The following ANKRD18A variants were observed in gnomAD, a reference collection of about 807,000 sequenced individuals.
The protein encoded by ANKRD18A is ankyrin repeat domain-containing protein 18A.
A neutral mutation model predicts 110.6 loss-of-function variants in ANKRD18A; 72 were observed. That is an observed-to-expected ratio of 0.65 (90% CI 0.54 to 0.79). The LOEUF (loss-of-function observed/expected upper bound fraction) is 0.79, where lower values mean the gene tolerates loss of function less well. Ranked by LOEUF, ANKRD18A falls within the 30% of genes least tolerant of loss-of-function variation. The probability of loss-of-function intolerance (pLI) is 0.00; values close to 1 mark genes in which losing one functional copy is unlikely to be tolerated. For missense variants in ANKRD18A, 934 were observed against 1,163.3 expected (o/e 0.80, Z 2.87); for synonymous variants, 305 against 410.3 (o/e 0.74, Z 3.10).
At chr9:38,583,069 T>C (rs1190459320) in intron 12 of ANKRD18A, among the ~76,000 whole-genome samples, 7 of 152,256 alleles carry the variant, frequency 4.6e-5, no homozygotes, top group Non-Finnish European at 7.3e-5. Flanking sequence ...AATAGATGCT[T>C]AATGTAATTA....
rs534943989 is a variant in ANKRD18A at position 38,615,083 on chromosome 9, ACCTCTTCTTG to A, written c.495+501_495+510del. 1.4e-4 allele frequency among the ~76,000 whole-genome samples: 21 copies of A among 152,014 alleles called. No individual in the cohort carries two copies. The South Asian group carries it at 3.7e-3, about 27-fold the overall frequency. On this transcript the variant is annotated intron_variant, in intron 3 of 15. Coordinates refer to ENST00000399703, the MANE Select transcript of ANKRD18A (RefSeq NM_147195.4). ...GAAAAACAACAAACTAAAAAACAAA[ACCTCTTCTTG>A]GCATTTTCCCTCATTACCTAATTTC... is the stretch of plus-strand genomic sequence containing the variant.
At chr9:38,576,586 C>T (rs1042782404) in intron 14 of ANKRD18A, among the ~76,000 whole-genome samples, 49 of 152,160 alleles carry the variant, frequency 3.2e-4, no homozygotes, top group Middle Eastern at 3.4e-3. Context: ...GTGATAATAC[C>T]AAAGATCACA....
Position 38,586,765 on chromosome 9 carries a change from T to C in ANKRD18A, c.2118-453A>G, listed in dbSNP as rs183697639. 3.7e-3 allele frequency among the ~76,000 whole-genome samples: 561 copies of C among 152,230 alleles called. 1 individual carries two copies. The highest frequency in any genetic ancestry group is 9.3e-3 in the South Asian group (45 of 4,814). On this transcript the variant is annotated intron_variant, in intron 11 of 15. Transcript: ENST00000399703. The stretch of plus-strand genomic sequence containing the variant: ...TTTTTAGTAGAGATGGGGTTCACCA[T>C]GTTGGTCAGGCTGGTTTTGAACTCC...
At chr9:38,569,266 T>C (rs375836563), downstream of ANKRD18A, 5 of 963,246 alleles carry the variant, frequency 5.2e-6, no homozygotes, top group South Asian at 4.8e-5. Context: ...ATGAATGAGA[T>C]GACTGTCAGC....
intron 1 of ANKRD18A, 45 bp downstream of exon 1, chr9:38,620,035 C>G (rs923809310): frequency 9.2e-5 from 142 of 1,544,082 alleles, no homozygotes; most frequent in Non-Finnish European, 1.2e-4. Flanking sequence ...GCAGGGAAGC[C>G]GGGCCTGCGG....
intron 8 of ANKRD18A, among the ~76,000 whole-genome samples, chr9:38,598,822 G>A (rs1471833840): frequency 2.0e-5 from 3 of 152,146 alleles, no homozygotes; most frequent in South Asian, 2.1e-4. Context: ...ATTGGTTTTC[G>A]GCTTCATAAG....
chr9:38,587,227 T>C (rs1400064793), intron 11 of ANKRD18A, among the ~76,000 whole-genome samples: 1 of 152,194 alleles, frequency 6.6e-6, no homozygotes, highest in Non-Finnish European at 1.5e-5. Context: ...TCTAGAGATC[T>C]TTACTGACAT....
chr9:38,582,521 T>TAG (rs1353386853), intron 12 of ANKRD18A, among the ~76,000 whole-genome samples: 18 of 152,172 alleles, frequency 1.2e-4, no homozygotes, highest in African/African-American at 4.1e-4. Context: ...TAAGAATTGA[T>TAG]AACCTAAAAA....
intron 4 of ANKRD18A, among the ~76,000 whole-genome samples, chr9:38,610,875 A>G (rs1203023646): frequency 6.7e-6 from 1 of 149,522 alleles, no homozygotes; most frequent in South Asian, 2.1e-4. Context: ...TAATAATAAT[A>G]ATAATGGTAA....
At position 38,601,159 on chromosome 9, in the gene ANKRD18A, A is replaced by T. The variant is rs1332895858; in HGVS notation, c.908T>A (p.Leu303His). 1 of 1,559,656 alleles carries T rather than the reference A, an allele frequency of 6.4e-7. No homozygotes were observed. The highest frequency in any genetic ancestry group is 1.9e-5 in the Admixed American group (1 of 51,802). Residue 303 changes from leucine to histidine, a missense_variant, in exon 8 of 16, where the codon CTC becomes CAC. Leu to His is a moderately conservative substitution (Grantham distance 99). Coordinates refer to ENST00000399703, the MANE Select transcript of ANKRD18A (RefSeq NM_147195.4). Reference protein sequence around the residue: ...KVASEEKQERLQRSENKQPQD... With the variant: ...KVASEEKQERHQRSENKQPQD... ...TGGCTGTTTATTTTCACTTCTTTGG[A>T]GCCTTTCTTGCTTTTCCTCTGAAGC...
intron 6 of ANKRD18A, among the ~76,000 whole-genome samples, chr9:38,605,734 C>T (rs1208266027): frequency 3.3e-5 from 5 of 152,096 alleles, no homozygotes; most frequent in African/African-American, 1.2e-4. Flanking sequence ...CTGCCTCAGC[C>T]TCCAGAGTAG....
At chr9:38,582,956 C>T (rs1034634298) in intron 12 of ANKRD18A, among the ~76,000 whole-genome samples, 3 of 152,114 alleles carry the variant, frequency 2.0e-5, no homozygotes, top group African/African-American at 7.2e-5. Context: ...ATAAAGAACC[C>T]TTGCCATTCA....
chr9:38,615,697 T>C lies in ANKRD18A; in HGVS notation c.392A>G (p.Asp131Gly). ...LECGANPNIE[D>G]IYGNTALHYA... ...ATGGAGAGCAGTGTTGCCGTAGATA[T>C]CCTCAATGTTTGGATTGGCGCCACA... Residue 131 changes from aspartate to glycine, a missense_variant, in exon 3 of 16, where the codon GAT becomes GGT. Asp to Gly is a moderately conservative substitution (Grantham distance 94). Coordinates refer to ENST00000399703, the MANE Select transcript of ANKRD18A (RefSeq NM_147195.4). 6.2e-7 allele frequency: 1 copy of C among 1,612,736 alleles called. No homozygotes were observed. The highest frequency in any genetic ancestry group is 8.5e-7 in the Non-Finnish European group (1 of 1,179,872).
intron 6 of ANKRD18A, among the ~76,000 whole-genome samples, chr9:38,603,563 G>C (rs550794360): frequency 6.6e-6 from 1 of 152,228 alleles, no homozygotes; most frequent in East Asian, 1.9e-4. Flanking sequence ...TGCTACCTAT[G>C]ACGGCTTTCA....
chr9:38,574,314 C>G (rs1031705757), intron 15 of ANKRD18A, among the ~76,000 whole-genome samples: 1 of 152,184 alleles, frequency 6.6e-6, no homozygotes, highest in African/African-American at 2.4e-5. Flanking sequence ...ACCTTGGGTG[C>G]ACCTGGATTG....
In ANKRD18A at chr9:38,591,132, AT is replaced by A. The variant is rs916755859; in HGVS notation, c.2005-2470del. Among the ~76,000 whole-genome samples the A allele has an allele frequency of 7.8e-3, 1,095 of 140,070 alleles. 2 individuals are homozygous for A. The highest frequency in any genetic ancestry group is 0.019 in the Middle Eastern group (5 of 266). 91.9% of individuals were successfully genotyped at this position (140,070 alleles called of 152,430 possible). A position where few individuals can be genotyped will look rare whatever the true frequency, so the allele number is the denominator to read the frequency against. ...TGCACCACCATGCCCCAGCTGTTTA[AT>A]TTTTTTTTTTTTTTTGGTAGAGTCA... is the stretch of plus-strand genomic sequence containing the variant. On this transcript the variant is annotated intron_variant, in intron 10 of 15. Transcript: ENST00000399703.
chr9:38,577,025 T>C, intron 14 of ANKRD18A, 28 bp downstream of exon 14: 1 of 1,532,746 alleles, frequency 6.5e-7, no homozygotes, highest in Non-Finnish European at 8.8e-7. Context: ...GCTGAATTCA[T>C]TTTCTATGAG....
intron 12 of ANKRD18A, among the ~76,000 whole-genome samples, chr9:38,580,891 G>A (rs1824133376): frequency 6.6e-6 from 1 of 151,814 alleles, no homozygotes; most frequent in Non-Finnish European, 1.5e-5. Context: ...GATTGTGAGA[G>A]AGATCAGTCC....
intron 5 of ANKRD18A, among the ~76,000 whole-genome samples, chr9:38,608,133 A>T (rs1219386030): frequency 2.0e-5 from 3 of 152,202 alleles, no homozygotes; most frequent in African/African-American, 7.2e-5. Context: ...CTTGTAACTA[A>T]ATTTATATAC....
Sources: gnomAD v4.1 joint callset for allele counts (sites outside exome capture counted in the v4.1 genomes callset) on GRCh38, gnomAD v4.1.1 for gene constraint, MANE v1.5 for transcripts, NCBI Gene and HGNC (gene_info 2026-07-23, HGNC 2026-07-21) for gene names.